Variants in UBE2QL1 observed in about 807,000 individuals in gnomAD.
UBE2QL1 encodes the protein ubiquitin-conjugating enzyme E2Q-like protein 1.
A neutral mutation model predicts 12.6 loss-of-function variants in UBE2QL1; 5 were observed. That is an observed-to-expected ratio of 0.40 (90% CI 0.21 to 0.83). The LOEUF is 0.83. UBE2QL1 is among the 40% of genes least tolerant of loss of function. The pLI, the probability that UBE2QL1 is intolerant of heterozygous loss-of-function variation, is 0.37. For synonymous variants in UBE2QL1, 96 were observed against 94.5 expected (o/e 1.02, Z -0.10); for missense variants, 99 against 222.6 (o/e 0.44, Z 3.53).
chr5:6,471,983 G>A (rs1374538055), intron 1 of UBE2QL1, among the ~76,000 whole-genome samples: 1 of 152,094 alleles, frequency 6.6e-6, no homozygotes, highest in Non-Finnish European at 1.5e-5. Context: ...AGGCCCATGG[G>A]AGCCCATTCT....
At chr5:6,474,236 G>A (rs1734164816) in intron 1 of UBE2QL1, among the ~76,000 whole-genome samples, 1 of 152,260 alleles carries the variant, frequency 6.6e-6, no homozygotes, top group Non-Finnish European at 1.5e-5. Context: ...GTCTATGCCT[G>A]CATGTGGATC....
At chr5:6,467,728 C>T (rs184330132) in intron 1 of UBE2QL1, among the ~76,000 whole-genome samples, 126 of 152,234 alleles carry the variant, frequency 8.3e-4, no homozygotes, top group Admixed American at 1.5e-3. Flanking sequence ...TTGTCTTTGC[C>T]GGGGGTCTCT....
At chr5:6,457,709 A>T (rs1482869923) in intron 1 of UBE2QL1, among the ~76,000 whole-genome samples, 2 of 152,254 alleles carry the variant, frequency 1.3e-5, no homozygotes, top group Admixed American at 1.3e-4. Flanking sequence ...AGGTTGAATC[A>T]TGCACAGAGC....
In UBE2QL1 at chr5:6,479,978, G is replaced by C. The variant is rs561236540; in HGVS notation, c.355-11240G>C. ...GGCAAATGACAGGATGGCTGGCCAG[G>C]AGCTCCCTGTTGAGATGACATTGAG... On this transcript the variant is annotated intron_variant, in intron 1 of 1. Transcript: ENST00000399816. This position sits in a 1 kb window ranked among gnomAD's most constrained non-coding sequence, Gnocchi z 4.2. 9.6e-4 allele frequency among the ~76,000 whole-genome samples: 147 copies of C among 152,350 alleles called. No homozygotes were observed. The highest frequency in any genetic ancestry group is 1.9e-3 in the Non-Finnish European group (131 of 68,030).
At chr5:6,482,780 C>T (rs924548269) in intron 1 of UBE2QL1, among the ~76,000 whole-genome samples, 3 of 152,192 alleles carry the variant, frequency 2.0e-5, no homozygotes, top group Non-Finnish European at 2.9e-5. Context: ...CAACACTCTG[C>T]GGTGCACATG....
At position 6,466,125 on chromosome 5, in the gene UBE2QL1, T is replaced by C. The variant is rs1739786070; in HGVS notation, c.354+16878T>C. ...CATGGAGAGGCTGAGGCCTCCCCACTGACTCGGCAGCCACGGCGATGCAGC... is the reference window on the plus strand; with the variant it reads ...CATGGAGAGGCTGAGGCCTCCCCACCGACTCGGCAGCCACGGCGATGCAGC... On this transcript the variant is annotated intron_variant, in intron 1 of 1. Transcript: ENST00000399816. Among the ~76,000 whole-genome samples the C allele has an allele frequency of 2.6e-5, 4 of 151,962 alleles. No homozygotes were observed. In the South Asian group the frequency reaches 8.3e-4, roughly 32 times the overall value.
chr5:6,463,919 G>A (rs886202495), intron 1 of UBE2QL1, among the ~76,000 whole-genome samples: 3 of 151,840 alleles, frequency 2.0e-5, no homozygotes, highest in South Asian at 2.1e-4. Flanking sequence ...GAGCCACCGC[G>A]CCCAGCCTGT....
At chr5:6,453,016 G>C (rs949453692) in intron 1 of UBE2QL1, among the ~76,000 whole-genome samples, 5 of 152,140 alleles carry the variant, frequency 3.3e-5, no homozygotes, top group African/African-American at 1.2e-4. Flanking sequence ...CTCCTCTCCT[G>C]GCCCCTCAGA....
intron 1 of UBE2QL1, among the ~76,000 whole-genome samples, chr5:6,467,070 C>A (rs1739812635): frequency 6.6e-6 from 1 of 151,972 alleles, no homozygotes; most frequent in South Asian, 2.1e-4. Context: ...CTGTAAACAT[C>A]TTTTCTTTTA....
chr5:6,488,240 G>C (rs1018730775), intron 1 of UBE2QL1, among the ~76,000 whole-genome samples: 1 of 152,164 alleles, frequency 6.6e-6, no homozygotes, highest in Admixed American at 6.5e-5. Flanking sequence ...AGAGTGGTCT[G>C]TTCCTCTGGG....
intron 1 of UBE2QL1, among the ~76,000 whole-genome samples, chr5:6,452,093 T>C (rs1375198879): frequency 2.6e-5 from 4 of 152,234 alleles, no homozygotes; most frequent in Non-Finnish European, 4.4e-5. Flanking sequence ...AAACATTCAC[T>C]GCTCAGCTGA....
At chr5:6,485,042 A>T (rs1000424746) in intron 1 of UBE2QL1, among the ~76,000 whole-genome samples, 1 of 152,062 alleles carries the variant, frequency 6.6e-6, no homozygotes, top group African/African-American at 2.4e-5. Flanking sequence ...ACACATGGAC[A>T]CACATGCTCA....
Position 6,476,101 on chromosome 5 carries a change from A to C in UBE2QL1, c.355-15117A>C, listed in dbSNP as rs995085890. On this transcript the variant is annotated intron_variant, in intron 1 of 1. Coordinates refer to ENST00000399816, the MANE Select transcript of UBE2QL1 (RefSeq NM_001145161.3). The surrounding 1 kb of genome is among the most constrained non-coding windows in gnomAD (Gnocchi z 4.9). Reference sequence around the variant, plus strand: ...AAATCAGGGTGGGGTATGCCTGCTTAGTCATGGATGAGTATCTGGAAAGCT... The same window carrying C: ...AAATCAGGGTGGGGTATGCCTGCTTCGTCATGGATGAGTATCTGGAAAGCT... Among the ~76,000 whole-genome samples the C allele has an allele frequency of 2.0e-5, 3 of 152,102 alleles. No individual in the cohort carries two copies. Among genetic ancestry groups the C allele is most frequent in the Non-Finnish European group, 4.4e-5 (3 of 68,012 alleles).
At chr5:6,449,336 C>G in intron 1 of UBE2QL1, 89 bp downstream of exon 1, 1 of 1,206,638 alleles carries the variant, frequency 8.3e-7, no homozygotes, top group Non-Finnish European at 1.0e-6. Context: ...TGAGGGCCAG[C>G]GCCGGCCCCT....
At chr5:6,452,176 G>A (rs1739424517) in intron 1 of UBE2QL1, among the ~76,000 whole-genome samples, 1 of 152,128 alleles carries the variant, frequency 6.6e-6, no homozygotes, top group Non-Finnish European at 1.5e-5. Context: ...AGTTTTGTGT[G>A]TAACATAAAA....
chr5:6,486,219 C>T (rs2126371475), intron 1 of UBE2QL1, among the ~76,000 whole-genome samples: 1 of 152,184 alleles, frequency 6.6e-6, no homozygotes, highest in East Asian at 1.9e-4. Flanking sequence ...GTGATTCACC[C>T]AAGGTCACAC....
At position 6,491,050 on chromosome 5, in the gene UBE2QL1, T is replaced by C. The variant is rs188216650; in HGVS notation, c.355-168T>C. 1.3e-3 allele frequency among the ~76,000 whole-genome samples: 201 copies of C among 152,296 alleles called. 1 individual carries two copies. The highest frequency in any genetic ancestry group is 4.5e-3 in the African/African-American group (189 of 41,556). ...CTATCTGTTTGGTGCCAGAGCTGAA[T>C]TGTTCTGCATCTGGGCAGTGAGGCT... On this transcript the variant is annotated intron_variant, in intron 1 of 1. Coordinates refer to ENST00000399816, the MANE Select transcript of UBE2QL1 (RefSeq NM_001145161.3).
intron 1 of UBE2QL1, among the ~76,000 whole-genome samples, chr5:6,474,812 G>A (rs566656787): frequency 2.6e-5 from 4 of 152,282 alleles, no homozygotes; most frequent in South Asian, 4.1e-4. Context: ...ATCCTCACAC[G>A]TGGTGAGAAG....
intron 1 of UBE2QL1, among the ~76,000 whole-genome samples, chr5:6,489,222 C>T (rs1298633206): frequency 6.6e-6 from 1 of 152,030 alleles, no homozygotes; most frequent in Non-Finnish European, 1.5e-5. Flanking sequence ...ACCAGGAGTC[C>T]AAGACCAGCC....
Sources: allele counts gnomAD v4.1 joint callset (sites outside exome capture counted in the v4.1 genomes callset), GRCh38; gene constraint gnomAD v4.1.1; non-coding constraint Gnocchi (gnomAD v3.1); transcripts MANE v1.5; gene names NCBI Gene and HGNC (gene_info 2026-07-23, HGNC 2026-07-21).